Variants in STAG1 observed in about 807,000 individuals in gnomAD.
STAG1 encodes the protein cohesin subunit SA-1.
A neutral mutation model predicts 170.9 loss-of-function variants in STAG1; 26 were observed. That is an observed-to-expected ratio of 0.15 (90% CI 0.11 to 0.21). The LOEUF is 0.21. Ranked by LOEUF, STAG1 falls within the 10% of genes least tolerant of loss-of-function variation. STAG1 has a pLI of 1.00. For missense variants in STAG1, 964 were observed against 1,509.5 expected (o/e 0.64, Z 5.99); for synonymous variants, 514 against 497.7 (o/e 1.03, Z -0.44).
intron 5 of STAG1, among the ~76,000 whole-genome samples, chr3:136,543,330 G>A (rs1284381973): frequency 6.6e-6 from 1 of 152,038 alleles, no homozygotes; most frequent in African/African-American, 2.4e-5. Context: ...ACACTATCAG[G>A]CATTTGTATA....
intron 22 of STAG1, among the ~76,000 whole-genome samples, chr3:136,380,575 A>G (rs1204148058): frequency 2.0e-5 from 3 of 151,996 alleles, no homozygotes; most frequent in Non-Finnish European, 4.4e-5. Context: ...AAAATAATAT[A>G]TTGGCTCTAA....
At chr3:136,467,927 T>C (rs1363084417) in intron 12 of STAG1, among the ~76,000 whole-genome samples, 2 of 152,094 alleles carry the variant, frequency 1.3e-5, no homozygotes, top group Non-Finnish European at 2.9e-5. Flanking sequence ...CATAACGAAA[T>C]GAAGGCAGTA....
At chr3:136,624,496 T>C (rs1940006817) in intron 2 of STAG1, among the ~76,000 whole-genome samples, 1 of 152,234 alleles carries the variant, frequency 6.6e-6, no homozygotes, top group Admixed American at 6.5e-5. Context: ...ATGAGTAGGA[T>C]GCAAGTAAAA....
At chr3:136,345,455 G>GTTTTTTTTTTTTTTTTTT (rs34593330) in intron 29 of STAG1, among the ~76,000 whole-genome samples, 1 of 99,276 alleles carries the variant, frequency 1.0e-5, no homozygotes, top group Non-Finnish European at 2.0e-5. Flanking sequence ...TTACCTAGTT[G>GTTTTTTTTTTTTTTTTTT]TTTTTTTTTT....
intron 1 of STAG1, among the ~76,000 whole-genome samples, chr3:136,703,055 A>C (rs1312548424): frequency 6.9e-6 from 1 of 145,410 alleles, no homozygotes; most frequent in African/African-American, 2.6e-5. Context: ...CAACAGAGGA[A>C]GACTCCATCT....
intron 9 of STAG1, among the ~76,000 whole-genome samples, chr3:136,493,169 T>G (rs2090153625): frequency 6.6e-6 from 1 of 151,648 alleles, no homozygotes. Context: ...TGGCGAAACT[T>G]CGTCTCTACT....
chr3:136,403,185 C>T (rs971026528), intron 21 of STAG1, among the ~76,000 whole-genome samples: 1 of 115,234 alleles, frequency 8.7e-6, no homozygotes, highest in African/African-American at 3.3e-5. Flanking sequence ...CAAGATCACA[C>T]CAATGCACTC....
intron 3 of STAG1, among the ~76,000 whole-genome samples, chr3:136,619,789 G>A (rs1192993568): frequency 1.3e-5 from 2 of 149,116 alleles, no homozygotes; most frequent in African/African-American, 2.5e-5. Context: ...AGGAGAGGCC[G>A]GGGTAGCGGT....
intron 1 of STAG1, among the ~76,000 whole-genome samples, chr3:136,673,580 T>C (rs1275777834): frequency 1.3e-5 from 2 of 152,166 alleles, no homozygotes; most frequent in Non-Finnish European, 2.9e-5. Context: ...TTACATGTTG[T>C]ATGTATGTAC....
chr3:136,706,018 C>G (rs1322770904), intron 1 of STAG1, among the ~76,000 whole-genome samples: 1 of 151,802 alleles, frequency 6.6e-6, no homozygotes, highest in Non-Finnish European at 1.5e-5. Context: ...TACCATAAGC[C>G]ATGATCATGC....
chr3:136,744,202 C>G (rs1934818648), intron 1 of STAG1, among the ~76,000 whole-genome samples: 1 of 152,206 alleles, frequency 6.6e-6, no homozygotes. Context: ...TGGTGCATCC[C>G]TGTAATTCCA....
At chr3:136,339,927 G>T (rs1420241393) in intron 32 of STAG1, among the ~76,000 whole-genome samples, 1 of 152,132 alleles carries the variant, frequency 6.6e-6, no homozygotes, top group Admixed American at 6.6e-5. Flanking sequence ...CAAATTTAAA[G>T]CACAAGAGGC....
chr3:136,618,110 C>T (rs1158745407), intron 3 of STAG1, among the ~76,000 whole-genome samples: 1 of 152,120 alleles, frequency 6.6e-6, no homozygotes, highest in Non-Finnish European at 1.5e-5. Flanking sequence ...AACTTAACTT[C>T]CTCATAAAGC....
intron 8 of STAG1, among the ~76,000 whole-genome samples, chr3:136,501,070 T>C (rs570794341): frequency 3.3e-5 from 5 of 152,356 alleles, no homozygotes; most frequent in East Asian, 1.9e-4. Flanking sequence ...TTTTGCTGTA[T>C]GCTTTGTTTC....
intron 7 of STAG1, among the ~76,000 whole-genome samples, chr3:136,516,471 G>A (rs1934385691): frequency 6.6e-6 from 1 of 152,012 alleles, no homozygotes; most frequent in Non-Finnish European, 1.5e-5. Context: ...CCATGCCACT[G>A]CACTGCAGCC....
intron 1 of STAG1, among the ~76,000 whole-genome samples, chr3:136,639,380 C>T (rs1012113387): frequency 6.6e-6 from 1 of 152,070 alleles, no homozygotes; most frequent in African/African-American, 2.4e-5. Flanking sequence ...TTAAAAACTA[C>T]AATTTTCCCC....
chr3:136,630,059 G>T (rs886231639), intron 2 of STAG1, among the ~76,000 whole-genome samples: 2 of 152,106 alleles, frequency 1.3e-5, no homozygotes, highest in Non-Finnish European at 2.9e-5. Context: ...GCCGGGCATG[G>T]TGGCACGTGC....
chr3:136,486,198 C>T (rs2090008824), intron 9 of STAG1, among the ~76,000 whole-genome samples: 1 of 152,248 alleles, frequency 6.6e-6, no homozygotes, highest in South Asian at 2.1e-4. Context: ...TAGTCAACAA[C>T]ATCTGTGAGA....
chr3:136,413,230 T>C (rs1367574086), intron 21 of STAG1, among the ~76,000 whole-genome samples: 2 of 148,252 alleles, frequency 1.3e-5, no homozygotes, highest in East Asian at 3.9e-4. Context: ...ATATAATTTA[T>C]ATAATGTATA....
Sources: allele counts gnomAD v4.1 joint callset (sites outside exome capture counted in the v4.1 genomes callset), GRCh38; gene constraint gnomAD v4.1.1; transcripts MANE v1.5; gene names NCBI Gene and HGNC (gene_info 2026-07-23, HGNC 2026-07-21).